Variants in SAMD4A observed in about 807,000 individuals in gnomAD.
The protein encoded by SAMD4A is protein Smaug homolog 1.
A neutral mutation model predicts 81.3 loss-of-function variants in SAMD4A; 33 were observed. The observed-to-expected ratio is 0.41, with a 90% CI of 0.31 to 0.54. The LOEUF is 0.54. SAMD4A is among the 20% of genes least tolerant of loss of function. SAMD4A has a pLI of 0.37. For synonymous variants in SAMD4A, 389 were observed against 382.1 expected (o/e 1.02, Z -0.21); for missense variants, 854 against 951.1 (o/e 0.90, Z 1.34).
At chr14:54,744,452 G>A (rs1350891156) in intron 4 of SAMD4A, among the ~76,000 whole-genome samples, 1 of 152,186 alleles carries the variant, frequency 6.6e-6, no homozygotes, top group East Asian at 1.9e-4. Context: ...ATAGAAATCA[G>A]CATGATTTAA....
chr14:54,669,197 C>T (rs2035819802), intron 2 of SAMD4A, among the ~76,000 whole-genome samples: 1 of 152,174 alleles, frequency 6.6e-6, no homozygotes, highest in Non-Finnish European at 1.5e-5. Flanking sequence ...TTACATCCTA[C>T]TCATTAGAGG....
intron 6 of SAMD4A, 44 bp from the exon 7 acceptor site, chr14:54,760,117 T>C: frequency 6.3e-7 from 1 of 1,590,648 alleles, no homozygotes; most frequent in Non-Finnish European, 8.6e-7. Flanking sequence ...TGGATGACCC[T>C]TATTCCTGAG....
intron 4 of SAMD4A, among the ~76,000 whole-genome samples, chr14:54,740,858 C>CT (rs1434633681): frequency 6.6e-6 from 1 of 152,160 alleles, no homozygotes; most frequent in Non-Finnish European, 1.5e-5. Flanking sequence ...AATGTCCATC[C>CT]TTATGGTTTA....
chr14:54,621,553 G>A (rs2034617577), intron 2 of SAMD4A, among the ~76,000 whole-genome samples: 1 of 151,600 alleles, frequency 6.6e-6, no homozygotes, highest in Admixed American at 6.6e-5. Flanking sequence ...GTAGAGACAG[G>A]GTCTCACCAT....
At chr14:54,683,180 G>T (rs1349195408) in intron 2 of SAMD4A, among the ~76,000 whole-genome samples, 1 of 152,252 alleles carries the variant, frequency 6.6e-6, no homozygotes, top group Non-Finnish European at 1.5e-5. Context: ...CCCTGAAGGG[G>T]ATGAAATAGG....
At chr14:54,726,715 G>C (rs1489634291) in intron 3 of SAMD4A, among the ~76,000 whole-genome samples, 1 of 152,120 alleles carries the variant, frequency 6.6e-6, no homozygotes, top group Non-Finnish European at 1.5e-5. Context: ...CTCTGACCCT[G>C]CTGCAGGGAT....
intron 2 of SAMD4A, among the ~76,000 whole-genome samples, chr14:54,670,786 A>G (rs1009853843): frequency 8.5e-5 from 13 of 152,232 alleles, no homozygotes; most frequent in African/African-American, 2.9e-4. Context: ...GTTGCCTCCC[A>G]TGCTCATAAG....
chr14:54,736,990 G>A, intron 3 of SAMD4A, 34 bp from the exon 4 acceptor site: 1 of 1,607,034 alleles, frequency 6.2e-7, no homozygotes, highest in Non-Finnish European at 8.5e-7. Flanking sequence ...TAAAGGGGGG[G>A]GAATAACCTA....
Position 54,760,149 on chromosome 14 carries a change from C to G in SAMD4A, c.1177-12C>G. Reference sequence around the variant, plus strand: ...TGAGCCTAACAGAGGTCTTCCTGCTCTCACCGTCCAGGACATCATCGAGGG... The same window carrying G: ...TGAGCCTAACAGAGGTCTTCCTGCTGTCACCGTCCAGGACATCATCGAGGG... On this transcript the variant is annotated splice_polypyrimidine_tract_variant and intron_variant, in intron 6 of 12. Coordinates refer to ENST00000554335, the MANE Select transcript of SAMD4A (RefSeq NM_015589.6). 4 of 1,607,938 alleles carry G rather than the reference C, an allele frequency of 2.5e-6. No individual in the cohort carries two copies. The highest frequency in any genetic ancestry group is 3.4e-6 in the Non-Finnish European group (4 of 1,178,128).
chr14:54,695,495 C>G (rs1440181800), intron 2 of SAMD4A, among the ~76,000 whole-genome samples: 1 of 152,234 alleles, frequency 6.6e-6, no homozygotes, highest in African/African-American at 2.4e-5. Context: ...AAGGTAGAAG[C>G]TGCAATGCTT....
intron 2 of SAMD4A, among the ~76,000 whole-genome samples, chr14:54,626,008 A>G (rs1254741104): frequency 6.8e-6 from 1 of 147,174 alleles, no homozygotes; most frequent in African/African-American, 2.5e-5. Context: ...TAGCAGCTCT[A>G]CTGCTAGGTG....
chr14:54,652,346 G>A (rs1452580957), intron 2 of SAMD4A, among the ~76,000 whole-genome samples: 1 of 152,164 alleles, frequency 6.6e-6, no homozygotes, highest in East Asian at 1.9e-4. Context: ...GTGTCATTTG[G>A]GATCTTCTGA....
At chr14:54,736,547 T>C (rs567124030) in intron 3 of SAMD4A, among the ~76,000 whole-genome samples, 1 of 152,298 alleles carries the variant, frequency 6.6e-6, no homozygotes, top group Admixed American at 6.5e-5. Flanking sequence ...CCTGCAAAGA[T>C]CCCAAACAAT....
At chr14:54,667,791 T>C (rs771340762) in intron 2 of SAMD4A, among the ~76,000 whole-genome samples, 7 of 152,246 alleles carry the variant, frequency 4.6e-5, no homozygotes, top group Non-Finnish European at 7.3e-5. Flanking sequence ...ACTGAGTCTT[T>C]ACCACACACC....
intron 2 of SAMD4A, among the ~76,000 whole-genome samples, chr14:54,603,724 G>C (rs944802825): frequency 1.3e-5 from 2 of 151,064 alleles, no homozygotes; most frequent in Non-Finnish European, 2.9e-5. Flanking sequence ...TTTACATTTG[G>C]TGCATTCAGC....
At chr14:54,666,449 A>C (rs1432357419) in intron 2 of SAMD4A, among the ~76,000 whole-genome samples, 1 of 152,150 alleles carries the variant, frequency 6.6e-6, no homozygotes, top group Non-Finnish European at 1.5e-5. Flanking sequence ...ACCCACCTAT[A>C]GGAAAAGTCG....
Position 54,567,672 on chromosome 14 carries a change from G to T in SAMD4A, c.-245G>T. 522 of 365,278 alleles carry T rather than the reference G, an allele frequency of 1.4e-3. No homozygotes were observed. The highest frequency in any genetic ancestry group is 2.3e-3 in the Middle Eastern group (3 of 1,288). The allele number at this position is 365,278 out of a possible 1,614,324, so 22.6% of individuals were successfully genotyped here. ...TTAAAAAGTCGTTTTTTTTTTTAAAGAAACATTTCCGTGCTACTGTCTGTC... is the reference window on the plus strand; with the variant it reads ...TTAAAAAGTCGTTTTTTTTTTTAAATAAACATTTCCGTGCTACTGTCTGTC... On this transcript the variant is annotated 5_prime_UTR_variant, in exon 2 of 13. Transcript: ENST00000554335.
At chr14:54,634,778 T>C (rs1434571489) in intron 2 of SAMD4A, among the ~76,000 whole-genome samples, 2 of 151,744 alleles carry the variant, frequency 1.3e-5, no homozygotes, top group African/African-American at 2.4e-5. Context: ...TCTATCTATC[T>C]ATCCATCCAC....
intron 2 of SAMD4A, among the ~76,000 whole-genome samples, chr14:54,569,294 T>C (rs2033058261): frequency 6.6e-6 from 1 of 152,204 alleles, no homozygotes; most frequent in African/African-American, 2.4e-5. Context: ...CGAGCCGGCC[T>C]ACTCATTCCT....
Sources: gnomAD v4.1 joint callset for allele counts (sites outside exome capture counted in the v4.1 genomes callset) on GRCh38, gnomAD v4.1.1 for gene constraint, MANE v1.5 for transcripts, NCBI Gene and HGNC (gene_info 2026-07-23, HGNC 2026-07-21) for gene names.